The following ARL10 variants were observed in gnomAD, a reference collection of about 807,000 sequenced individuals.
ARL10 encodes the protein ADP-ribosylation factor-like protein 10.
Under a neutral mutation model 26.1 loss-of-function variants are expected in ARL10, and 23 were observed. That is an observed-to-expected ratio of 0.88 (90% CI 0.63 to 1.25). The LOEUF (loss-of-function observed/expected upper bound fraction) is 1.25, where lower values mean the gene tolerates loss of function less well. Ranked by LOEUF, ARL10 falls within the 50% of genes most tolerant of loss-of-function variation. ARL10 has a pLI of 0.00. For synonymous variants in ARL10, 138 were observed against 149.1 expected, an observed-to-expected ratio of 0.93 and a Z score of 0.54; for missense variants, 300 against 323.6, an observed-to-expected ratio of 0.93 and a Z score of 0.56.
chr5:176,399,683 C>T (rs563465425), intron 1 of ARL10, among the ~76,000 whole-genome samples: 1 of 152,138 alleles, frequency 6.6e-6, no homozygotes, highest in South Asian at 2.1e-4. Context: ...CACTTGAGGC[C>T]AGGAGTTTGA....
downstream of ARL10, chr5:176,392,995 C>T (rs72807216): frequency 0.069 from 110,872 of 1,607,794 alleles, 4,409 homozygotes; most frequent in Non-Finnish European, 0.081. This position sits in a 1 kb window ranked among gnomAD's most constrained non-coding sequence, Gnocchi z 5.2. Context: ...TTTCCCCCAG[C>T]CTTGCCCTTG....
downstream of ARL10, among the ~76,000 whole-genome samples, chr5:176,382,780 A>G (rs938073376): frequency 2.0e-5 from 3 of 152,134 alleles, no homozygotes; most frequent in Non-Finnish European, 2.9e-5. Flanking sequence ...CAAGACACAC[A>G]TGGCCTAGGG....
chr5:176,383,630 G>A (rs1755609039), downstream of ARL10, among the ~76,000 whole-genome samples: 1 of 152,254 alleles, frequency 6.6e-6, no homozygotes, highest in Admixed American at 6.5e-5. Context: ...CTTACCCTCT[G>A]CCAGTCAAGC....
downstream of ARL10, chr5:176,384,714 G>A (rs1417058896): frequency 5.1e-6 from 2 of 389,976 alleles, no homozygotes; most frequent in Non-Finnish European, 4.6e-6. Flanking sequence ...AGGCTGCGGT[G>A]AGCCATGATC....
exon 2 of ARL10, chr5:176,388,597 G>A: frequency 1.3e-6 from 2 of 1,498,896 alleles, no homozygotes; most frequent in South Asian, 1.2e-5. Flanking sequence ...CAGACCTCGT[G>A]TAACAAACTC....
chr5:176,392,115 C>T (rs985835646), downstream of ARL10, among the ~76,000 whole-genome samples: 1 of 152,182 alleles, frequency 6.6e-6, no homozygotes, highest in African/African-American at 2.4e-5. This position sits in a 1 kb window ranked among gnomAD's most constrained non-coding sequence, Gnocchi z 5.2. Context: ...GGAGGGGAGT[C>T]TCATGGGTCT....
At chr5:176,392,549 A>G, downstream of ARL10, 1 of 545,092 alleles carries the variant, frequency 1.8e-6, no homozygotes, top group South Asian at 2.7e-5. The surrounding 1 kb of genome is among the most constrained non-coding windows in gnomAD (Gnocchi z 5.2). Flanking sequence ...CAGGAGGGAC[A>G]GTCACAATTG....
Position 176,368,739 on chromosome 5 carries a change from G to T in ARL10, c.386-68G>T. 1.3e-6 allele frequency: 2 copies of T among 1,501,646 alleles called. No homozygotes were observed. The highest frequency in any genetic ancestry group is 8.9e-7 in the Non-Finnish European group (1 of 1,127,464). 93.0% of individuals were successfully genotyped at this position (1,501,646 alleles called of 1,614,324 possible). A position where few individuals can be genotyped will look rare whatever the true frequency, so the allele number is the denominator to read the frequency against. On this transcript the variant is annotated intron_variant, in intron 2 of 3. Transcript: ENST00000310389. This position sits in a 1 kb window ranked among gnomAD's most constrained non-coding sequence, Gnocchi z 4.1. ...TGGGCAGTGAGCGGGGGCCCGGGGT[G>T]GGGTGGGGGCTGTGGGCAGTGAGCG...
At chr5:176,367,655 G>C (rs1252619456) in intron 2 of ARL10, among the ~76,000 whole-genome samples, 4 of 151,994 alleles carry the variant, frequency 2.6e-5, no homozygotes, top group African/African-American at 9.7e-5. Context: ...CTGTTTCCCA[G>C]ACACTTCCAG....
At chr5:176,395,201 C>T (rs1461176828) in intron 1 of ARL10, among the ~76,000 whole-genome samples, 1 of 152,024 alleles carries the variant, frequency 6.6e-6, no homozygotes, top group Non-Finnish European at 1.5e-5. Context: ...CCCACCTTCT[C>T]TTCCCACCCT....
At chr5:176,395,416 G>A (rs1561791369) in intron 1 of ARL10, among the ~76,000 whole-genome samples, 1 of 152,202 alleles carries the variant, frequency 6.6e-6, no homozygotes, top group Admixed American at 6.5e-5. Flanking sequence ...CAAGGCGAGT[G>A]CCAAAGAGTA....
rs1768662390 is a variant in ARL10 at position 176,375,247 on chromosome 5, T to TCCAC, written c.*3354_*3355insACCC. On this transcript the variant is annotated 3_prime_UTR_variant, in exon 4 of 4. Transcript: ENST00000310389. ...ACCCATCCATCCATCCATCCATCCA[T>TCCAC]CCTTCCATCCATCCACCCATCCACC... is the stretch of plus-strand genomic sequence containing the variant. The TCCAC allele has an allele frequency of 8.4e-6, 1 of 119,036 alleles. No individual in the cohort carries two copies. The highest frequency in any genetic ancestry group is 1.8e-5 in the Non-Finnish European group (1 of 56,436). The allele number at this position is 119,036 out of a possible 1,614,324, so 7.4% of individuals were successfully genotyped here. A position where few individuals can be genotyped will look rare whatever the true frequency, so the allele number is the denominator to read the frequency against.
Position 176,374,377 on chromosome 5 carries a change from G to A in ARL10, c.*2482G>A, listed in dbSNP as rs1203364013. ...AGTTTACAATGTTAAATCAGTTAGCGGATTCTGTATGTCTTCATGTTTCTG... is the reference window on the plus strand; with the variant it reads ...AGTTTACAATGTTAAATCAGTTAGCAGATTCTGTATGTCTTCATGTTTCTG... On this transcript the variant is annotated 3_prime_UTR_variant, in exon 4 of 4. Transcript: ENST00000310389. The A allele has an allele frequency of 6.6e-6, 1 of 152,124 alleles. No individual in the cohort carries two copies. Among genetic ancestry groups the A allele is most frequent in the African/African-American group, 2.4e-5 (1 of 41,402 alleles). 9.4% of individuals were successfully genotyped at this position (152,124 alleles called of 1,614,324 possible).
rs1201918603 is a variant in ARL10 at position 176,380,607 on chromosome 5, C to T, written c.*8712C>T. 1 of 151,854 alleles carries T rather than the reference C, an allele frequency of 6.6e-6. No homozygotes were observed. The highest frequency in any genetic ancestry group is 1.5e-5 in the Non-Finnish European group (1 of 68,030). 9.4% of individuals were successfully genotyped at this position (151,854 alleles called of 1,614,324 possible). Reference sequence around the variant, plus strand: ...TTCTCCTGCCTCAGCCTCTCAGCCTCCCGAGTAGCTGCGATCGATCACAGG... The same window carrying T: ...TTCTCCTGCCTCAGCCTCTCAGCCTTCCGAGTAGCTGCGATCGATCACAGG... On this transcript the variant is annotated 3_prime_UTR_variant, in exon 4 of 4. Transcript: ENST00000310389.
downstream of ARL10, chr5:176,401,937 A>G (rs1756840223): frequency 8.7e-6 from 3 of 346,384 alleles, no homozygotes; most frequent in Non-Finnish European, 1.7e-5. Flanking sequence ...TGCTTCCTGC[A>G]GCCCCATCTC....
At chr5:176,413,228 G>T in the ARL10 span, among the ~76,000 whole-genome samples, 1 of 152,150 alleles carries the variant, frequency 6.6e-6, no homozygotes, top group South Asian at 2.1e-4. Flanking sequence ...ACGTCCCAGG[G>T]ATAAACCCCT....
chr5:176,399,792 C>T lies in ARL10; in HGVS notation c.134-1949C>T, dbSNP rs1581430143. On this transcript the variant is annotated intron_variant, in intron 1 of 1. Transcript: ENST00000514533. ...TTAGGAGTCTGGGACTTGGGAGAAT[C>T]GCTTGAGCCTGGGAGGCGAAGATTG... is the stretch of plus-strand genomic sequence containing the variant. Among the ~76,000 whole-genome samples the T allele has an allele frequency of 3.3e-5, 5 of 151,460 alleles. No individual in the cohort carries two copies. In the South Asian group the frequency reaches 8.4e-4, roughly 25 times the overall value.
the ARL10 span, among the ~76,000 whole-genome samples, chr5:176,411,974 A>G: frequency 2.6e-4 from 39 of 152,076 alleles, no homozygotes; most frequent in African/African-American, 9.2e-4. Flanking sequence ...CAGGAGATCG[A>G]GACCATCCTG....
intron 3 of ARL10, among the ~76,000 whole-genome samples, chr5:176,371,254 A>C (rs968840544): frequency 6.6e-6 from 1 of 152,210 alleles, no homozygotes; most frequent in Non-Finnish European, 1.5e-5. Flanking sequence ...TCACACCTGT[A>C]GTCCCAGCTA....
Sources: allele counts gnomAD v4.1 joint callset (sites outside exome capture counted in the v4.1 genomes callset), GRCh38; gene constraint gnomAD v4.1.1; non-coding constraint Gnocchi (gnomAD v3.1); transcripts MANE v1.5; gene names NCBI Gene and HGNC (gene_info 2026-07-23, HGNC 2026-07-21).